TMSB15B: variants seen among roughly 807,000 people sequenced by gnomAD.
TMSB15B encodes thymosin beta 15B.
chrX:103,955,577 C>A (rs2075049406), intron 1 of TMSB15B, among the ~76,000 whole-genome samples: 2 of 109,578 alleles, frequency 1.8e-5, no homozygotes, highest in Non-Finnish European at 3.8e-5. Flanking sequence ...GTAAGACGAG[C>A]AGATAAGAAT....
intron 1 of TMSB15B, among the ~76,000 whole-genome samples, chrX:103,943,616 G>A (rs1198794458): frequency 3.6e-5 from 4 of 111,453 alleles, no homozygotes; most frequent in African/African-American, 9.8e-5. Flanking sequence ...ACCACTTGGC[G>A]TGACATTCAA....
intron 1 of TMSB15B, chrX:103,931,647 T>C (rs1297669879): frequency 1.8e-5 from 2 of 112,706 alleles, no homozygotes; most frequent in Non-Finnish European, 3.7e-5. Flanking sequence ...GTATATGTGA[T>C]ACTGTGAAAT....
intron 1 of TMSB15B, among the ~76,000 whole-genome samples, chrX:103,955,165 A>G (rs1238467595): frequency 4.5e-5 from 5 of 111,564 alleles, no homozygotes; most frequent in African/African-American, 1.6e-4. Context: ...AGCAACCTCA[A>G]AAGTTGAAGG....
intron 1 of TMSB15B, among the ~76,000 whole-genome samples, chrX:103,945,273 A>C (rs1430948130): frequency 8.9e-5 from 10 of 112,376 alleles, no homozygotes; most frequent in African/African-American, 3.2e-4. Flanking sequence ...TTACAAAGAA[A>C]AGAGGTTTAT....
intron 1 of TMSB15B, among the ~76,000 whole-genome samples, chrX:103,949,845 G>A (rs1415032574): frequency 1.8e-5 from 2 of 111,624 alleles, no homozygotes; most frequent in African/African-American, 6.5e-5. Flanking sequence ...ACATAGAAAT[G>A]CAAAGGACAG....
chrX:103,948,101 A>G (rs1556327705), intron 1 of TMSB15B, among the ~76,000 whole-genome samples: 2 of 111,488 alleles, frequency 1.8e-5, no homozygotes, highest in Non-Finnish European at 3.8e-5. Flanking sequence ...TGACGGGTTG[A>G]TGGGTGAAGC....
chrX:103,948,559 C>A (rs1473881230), intron 1 of TMSB15B, among the ~76,000 whole-genome samples: 1 of 112,131 alleles, frequency 8.9e-6, no homozygotes, highest in Non-Finnish European at 1.9e-5. Context: ...CATTAGTGAG[C>A]TATGGAATAT....
chrX:103,933,061 G>A (rs2074988541), intron 1 of TMSB15B: 1 of 111,459 alleles, frequency 9.0e-6, no homozygotes, highest in African/African-American at 3.2e-5. Flanking sequence ...TCATTATATG[G>A]TTTATTTAGA....
chrX:103,934,512 C>A (rs1337353573), intron 1 of TMSB15B, among the ~76,000 whole-genome samples: 2 of 109,942 alleles, frequency 1.8e-5, no homozygotes, highest in African/African-American at 6.6e-5. Flanking sequence ...CCAGACAGGC[C>A]CCAGTGTGTG....
At chrX:103,932,804 TA>T (rs1236797891) in intron 1 of TMSB15B, 1 of 111,568 alleles carries the variant, frequency 9.0e-6, no homozygotes, top group African/African-American at 3.2e-5. Context: ...TTTTCTGATA[TA>T]AAAAATGACT....
chrX:103,941,388 T>G (rs1569448799), intron 1 of TMSB15B, among the ~76,000 whole-genome samples: 1 of 111,433 alleles, frequency 9.0e-6, no homozygotes. Flanking sequence ...GATTGCTGAA[T>G]CATAATGACA....
chrX:103,930,491 C>T lies in TMSB15B; in HGVS notation c.-721+11199C>T, dbSNP rs2074981610. Among the ~76,000 whole-genome samples the T allele has an allele frequency of 2.7e-5, 3 of 110,654 alleles. No homozygotes were observed. In the South Asian group the frequency reaches 1.2e-3, roughly 43 times the overall value. ...ACTAGACCGTAAAACTTATTGAAAGCAGGGATTCTTGTATGCATTTTAAAA... is the reference window on the plus strand; with the variant it reads ...ACTAGACCGTAAAACTTATTGAAAGTAGGGATTCTTGTATGCATTTTAAAA... On this transcript the variant is annotated intron_variant, in intron 1 of 3. Transcript: ENST00000419165.
chrX:103,951,317 G>T (rs1432619951), intron 1 of TMSB15B, among the ~76,000 whole-genome samples: 1 of 111,891 alleles, frequency 8.9e-6, no homozygotes, highest in Non-Finnish European at 1.9e-5. Flanking sequence ...ATGGATGCGG[G>T]TGCAGATAGG....
rs1439009216 is a variant in TMSB15B at position 103,924,774 on chromosome X, C to G, written c.-721+5482C>G. On this transcript the variant is annotated intron_variant, in intron 1 of 3. Transcript: ENST00000419165. ...CCCATGTGGACTAGACTGGCTCGGA[C>G]AGTCTGGAATCCCCTGGGCTCATTT... Among the ~76,000 whole-genome samples, 3 of 111,450 alleles carry G rather than the reference C, an allele frequency of 2.7e-5. No homozygotes were observed. In the East Asian group the frequency reaches 8.5e-4, roughly 32 times the overall value.
At chrX:103,944,252 A>G (rs1476728665) in intron 1 of TMSB15B, among the ~76,000 whole-genome samples, 1 of 112,285 alleles carries the variant, frequency 8.9e-6, no homozygotes, top group Non-Finnish European at 1.9e-5. Context: ...TAGAGGTACC[A>G]TTCATAGTAT....
chrX:103,948,164 T>C (rs1384498099), intron 1 of TMSB15B, among the ~76,000 whole-genome samples: 1 of 111,890 alleles, frequency 8.9e-6, no homozygotes, highest in East Asian at 2.8e-4. Flanking sequence ...GTTCTGCACA[T>C]GTATCCCAGA....
chrX:103,951,236 C>A (rs1195779734), intron 1 of TMSB15B, among the ~76,000 whole-genome samples: 9 of 111,813 alleles, frequency 8.0e-5, no homozygotes, highest in Non-Finnish European at 3.8e-5. Flanking sequence ...AGGACTCCAA[C>A]ATATGAATTT....
chrX:103,936,003 T>G (rs2074996845), intron 1 of TMSB15B, among the ~76,000 whole-genome samples: 1 of 109,055 alleles, frequency 9.2e-6, no homozygotes, highest in African/African-American at 3.3e-5. Context: ...TGCACCACCT[T>G]GCCCAGCTAA....
At chrX:103,946,221 A>C (rs2075025191) in intron 1 of TMSB15B, among the ~76,000 whole-genome samples, 1 of 112,328 alleles carries the variant, frequency 8.9e-6, no homozygotes, top group Non-Finnish European at 1.9e-5. Context: ...GGATGGCTGC[A>C]CAGTGGGTTG....
Sources: allele counts gnomAD v4.1 joint callset (sites outside exome capture counted in the v4.1 genomes callset), GRCh38; gene constraint gnomAD v4.1.1; transcripts MANE v1.5; gene names NCBI Gene and HGNC (gene_info 2026-07-23, HGNC 2026-07-21).